IQUB: variants seen among roughly 807,000 people sequenced by gnomAD.
IQUB encodes the protein IQ motif and ubiquitin-like domain-containing protein.
IQUB carries 86 observed loss-of-function variants against 86.4 expected under a neutral mutation model. The ratio of observed to expected loss-of-function variants is 1.00; its 90% CI spans 0.84 to 1.19. The LOEUF is 1.19. IQUB is among the 50% of genes most tolerant of loss of function. The probability of loss-of-function intolerance (pLI) is 0.00; values close to 1 mark genes in which losing one functional copy is unlikely to be tolerated. For missense variants in IQUB, 946 were observed against 916.9 expected, an observed-to-expected ratio of 1.03 and a Z score of -0.41; for synonymous variants, 289 against 304.5, an observed-to-expected ratio of 0.95 and a Z score of 0.53.
At chr7:123,486,075 A>C (rs1160156196) in intron 7 of IQUB, among the ~76,000 whole-genome samples, 1 of 152,178 alleles carries the variant, frequency 6.6e-6, no homozygotes, top group African/African-American at 2.4e-5. Flanking sequence ...GAGAGGTATA[A>C]GGAGTCCATC....
intron 8 of IQUB, among the ~76,000 whole-genome samples, chr7:123,470,185 T>TG (rs1333764421): frequency 6.6e-6 from 1 of 152,198 alleles, no homozygotes; most frequent in African/African-American, 2.4e-5. Flanking sequence ...CCTCTGTGTT[T>TG]GCCACTGCTT....
chr7:123,516,814 G>T (rs1186934922), intron 1 of IQUB, among the ~76,000 whole-genome samples: 1 of 152,136 alleles, frequency 6.6e-6, no homozygotes, highest in Non-Finnish European at 1.5e-5. Flanking sequence ...CAAGGTGGCT[G>T]GGAGAATATG....
In IQUB at chr7:123,523,273, G is replaced by A. The variant is rs561435920; in HGVS notation, c.-4-10929C>T. ...TCTAGTTCTAGATCCCTGAGGAATC[G>A]CCACACTGACTTCCACAATGGTCAA... On this transcript the variant is annotated intron_variant, in intron 1 of 12. Coordinates refer to ENST00000324698, the MANE Select transcript of IQUB (RefSeq NM_178827.5). Among the ~76,000 whole-genome samples, 224 of 139,366 alleles carry A rather than the reference G, an allele frequency of 1.6e-3. 7 individuals carry two copies. The highest frequency in any genetic ancestry group is 2.6e-3 in the Non-Finnish European group (168 of 63,486). The allele number at this position is 139,366 out of a possible 152,430, so 91.4% of individuals were successfully genotyped here. A position where few individuals can be genotyped will look rare whatever the true frequency, so the allele number is the denominator to read the frequency against.
At chr7:123,519,984 A>G (rs769254106) in intron 1 of IQUB, among the ~76,000 whole-genome samples, 2 of 152,098 alleles carry the variant, frequency 1.3e-5, no homozygotes, top group Non-Finnish European at 2.9e-5. Flanking sequence ...TGCTTTCAAC[A>G]AATTTTTATT....
At chr7:123,521,651 A>AACACACAC (rs150359350) in intron 1 of IQUB, among the ~76,000 whole-genome samples, 47,712 of 144,030 alleles carry the variant, frequency 0.33, 8,185 homozygotes, top group Admixed American at 0.42. Flanking sequence ...TGTCTAAATA[A>AACACACAC]ACACACACAC....
intron 11 of IQUB, among the ~76,000 whole-genome samples, chr7:123,458,912 T>A (rs1020371171): frequency 3.9e-5 from 6 of 152,038 alleles, no homozygotes; most frequent in Non-Finnish European, 7.4e-5. Flanking sequence ...TTTTTATATA[T>A]ATTAACTTTC....
At chr7:123,497,058 T>C in intron 6 of IQUB, 152 bp from the exon 7 acceptor site, 2 of 586,602 alleles carry the variant, frequency 3.4e-6, no homozygotes, top group Non-Finnish European at 5.9e-6. Context: ...AACACTAACA[T>C]AAAAAACATG....
chr7:123,527,048 C>A (rs1170623857), intron 1 of IQUB, among the ~76,000 whole-genome samples: 1 of 151,824 alleles, frequency 6.6e-6, no homozygotes, highest in Non-Finnish European at 1.5e-5. Flanking sequence ...TGGCTTGTAG[C>A]CTTCATTTCA....
At chr7:123,455,170 C>T (rs1307011923) in intron 12 of IQUB, among the ~76,000 whole-genome samples, 1 of 151,924 alleles carries the variant, frequency 6.6e-6, no homozygotes, top group Non-Finnish European at 1.5e-5. Context: ...TGGGATGATA[C>T]ATATATCATG....
chr7:123,525,581 T>G (rs1224781213), intron 1 of IQUB, among the ~76,000 whole-genome samples: 1 of 152,128 alleles, frequency 6.6e-6, no homozygotes, highest in East Asian at 1.9e-4. Flanking sequence ...GTCTATTTGA[T>G]TCTTCTCTCT....
chr7:123,494,508 A>AG (rs1008572821), intron 7 of IQUB, among the ~76,000 whole-genome samples: 11 of 152,232 alleles, frequency 7.2e-5, no homozygotes, highest in African/African-American at 2.6e-4. Context: ...TATTATTCCA[A>AG]GGCTTTTAAT....
At chr7:123,529,585 A>G (rs1014703387) in intron 1 of IQUB, among the ~76,000 whole-genome samples, 3 of 151,426 alleles carry the variant, frequency 2.0e-5, no homozygotes, top group Admixed American at 6.6e-5. Flanking sequence ...ACAATAATCT[A>G]TATTAATTTT....
chr7:123,531,973 A>AC (rs1007737885), intron 1 of IQUB, among the ~76,000 whole-genome samples: 1 of 152,166 alleles, frequency 6.6e-6, no homozygotes, highest in African/African-American at 2.4e-5. Flanking sequence ...ATTCTCCCTT[A>AC]TCTATTCACG....
At chr7:123,464,789 T>C (rs1317122812) in intron 10 of IQUB, 44 bp downstream of exon 10, 1 of 1,336,490 alleles carries the variant, frequency 7.5e-7, no homozygotes, top group Non-Finnish European at 1.0e-6. Context: ...CTATACCACA[T>C]CTTAGGATTT....
chr7:123,453,107 C>T (rs1323298454), intron 12 of IQUB, among the ~76,000 whole-genome samples, 182 bp from the exon 13 acceptor site: 1 of 151,540 alleles, frequency 6.6e-6, no homozygotes, highest in Non-Finnish European at 1.5e-5. Context: ...GGAAGTTTTC[C>T]CCAACTCTCC....
At position 123,524,576 on chromosome 7, in the gene IQUB, C is replaced by T. The variant is rs941953708; in HGVS notation, c.-5+9916G>A. ...GTATCCTGAGACTTTGCTGAAATTG[C>T]TTATCAGCTTAAGGAGAGTTTGGGC... On this transcript the variant is annotated intron_variant, in intron 1 of 12. Transcript: ENST00000324698. Among the ~76,000 whole-genome samples, 146 of 149,356 alleles carry T rather than the reference C, an allele frequency of 9.8e-4. 3 individuals are homozygous for T. The Middle Eastern group carries it at 0.014, about 14-fold the overall frequency.
intron 12 of IQUB, among the ~76,000 whole-genome samples, chr7:123,453,904 A>T (rs1419717546): frequency 6.6e-6 from 1 of 152,138 alleles, no homozygotes; most frequent in Non-Finnish European, 1.5e-5. Flanking sequence ...AATAAATATA[A>T]TCTATTACCT....
rs1584632036 is a variant in IQUB, at chr7:123,512,041, T to G, written c.300A>C (p.Ala100=). ...AACTATCATCATTTGGCCTCTGCATTGCATATTGCTTTTCATGATGTTGCG... is the reference window on the plus strand; with the variant it reads ...AACTATCATCATTTGGCCTCTGCATGGCATATTGCTTTTCATGATGTTGCG... ...YTPQHHEKQY[A]MQRPNDDSLA... The change falls in exon 2 of 13, where the codon GCA becomes GCC. Residue 100 remains alanine (A), a synonymous_variant. Coordinates refer to ENST00000324698, the MANE Select transcript of IQUB (RefSeq NM_178827.5). The G allele has an allele frequency of 1.2e-6, 2 of 1,613,836 alleles. No homozygotes were observed. Among genetic ancestry groups the G allele is most frequent in the Non-Finnish European group, 1.7e-6 (2 of 1,179,716 alleles).
chr7:123,511,734 C>A (rs886499005), intron 2 of IQUB, among the ~76,000 whole-genome samples: 1 of 152,112 alleles, frequency 6.6e-6, no homozygotes, highest in Admixed American at 6.6e-5. Context: ...GATGCTCATT[C>A]ATTGACGAAA....
Sources: allele counts gnomAD v4.1 joint callset (sites outside exome capture counted in the v4.1 genomes callset), GRCh38; gene constraint gnomAD v4.1.1; transcripts MANE v1.5; gene names NCBI Gene and HGNC (gene_info 2026-07-23, HGNC 2026-07-21).